The following DOCK3 variants were observed in gnomAD, a reference collection of about 807,000 sequenced individuals.
The protein encoded by DOCK3 is dedicator of cytokinesis 3, also known as dedicator of cytokinesis protein 3.
DOCK3 carries 60 observed loss-of-function variants against 265.6 expected under a neutral mutation model. The ratio of observed to expected loss-of-function variants is 0.23; its 90% confidence interval spans 0.18 to 0.28. The LOEUF (loss-of-function observed/expected upper bound fraction) is 0.28. DOCK3 is among the 10% of genes least tolerant of loss of function. The pLI is 1.00. For synonymous variants in DOCK3, 881 were observed against 938.0 expected, an observed-to-expected ratio of 0.94 and a Z score of 1.11; for missense variants, 1,981 against 2,594.3, an observed-to-expected ratio of 0.76 and a Z score of 5.14.
chr3:51,025,615 G>C lies in DOCK3; in HGVS notation c.316-38833G>C, dbSNP rs114683880. Among the ~76,000 whole-genome samples, 965 of 152,276 alleles carry C rather than the reference G, an allele frequency of 6.3e-3. 12 individuals carry two copies. The highest frequency in any genetic ancestry group is 0.022 in the African/African-American group (907 of 41,544). ...ACTTCCTGCTCATTCCCCAGGTTCT[G>C]TTCATGGGGTGTTTGTCCTCTCTTG... On this transcript the variant is annotated intron_variant, in intron 5 of 52. Transcript: ENST00000266037.
chr3:50,722,974 A>G (rs897433832), intron 1 of DOCK3, among the ~76,000 whole-genome samples: 6 of 151,986 alleles, frequency 3.9e-5, no homozygotes, highest in Admixed American at 6.6e-5. Flanking sequence ...GGGTTTTGCC[A>G]TGTTGTGCAG....
At chr3:51,186,465 G>T (rs1475177999) in intron 12 of DOCK3, among the ~76,000 whole-genome samples, 1 of 152,202 alleles carries the variant, frequency 6.6e-6, no homozygotes, top group Non-Finnish European at 1.5e-5. Context: ...CAATAGAAAA[G>T]AAAATTACAT....
In DOCK3 at chr3:50,729,483, C is replaced by G. The variant is rs182797915; in HGVS notation, c.38-49192C>G. Reference sequence around the variant, plus strand: ...ATACATGTGCCATGCTGGTGCGCTGCACCCACTAACTCGTCATCTAGCATT... The same window carrying G: ...ATACATGTGCCATGCTGGTGCGCTGGACCCACTAACTCGTCATCTAGCATT... On this transcript the variant is annotated intron_variant, in intron 1 of 52. Coordinates refer to ENST00000266037, the MANE Select transcript of DOCK3 (RefSeq NM_004947.5). Among the ~76,000 whole-genome samples, 1,488 of 151,926 alleles carry G rather than the reference C, an allele frequency of 9.8e-3. 8 individuals are homozygous for G. Among genetic ancestry groups the G allele is most frequent in the Middle Eastern group, 0.021 (6 of 292 alleles).
chr3:50,992,755 C>T (rs1218768160), intron 5 of DOCK3, among the ~76,000 whole-genome samples: 6 of 152,214 alleles, frequency 3.9e-5, no homozygotes, highest in African/African-American at 1.4e-4. Context: ...CTACTACAAA[C>T]ACTTCTGTGC....
At chr3:50,911,703 TGA>T (rs4028309) in intron 4 of DOCK3, among the ~76,000 whole-genome samples, 16 of 149,958 alleles carry the variant, frequency 1.1e-4, no homozygotes, top group Non-Finnish European at 1.6e-4. Flanking sequence ...AATTGTTTTT[TGA>T]GAGAGAGAGA....
At chr3:51,008,923 T>C (rs1475291949) in intron 5 of DOCK3, among the ~76,000 whole-genome samples, 7 of 152,194 alleles carry the variant, frequency 4.6e-5, no homozygotes, top group Admixed American at 4.6e-4. Flanking sequence ...ATTACGTTTA[T>C]TGATTTGCAT....
chr3:51,381,156 G>A lies in DOCK3; in HGVS notation c.5690G>A (p.Ser1897Asn). 1 of 1,613,904 alleles carries A rather than the reference G, an allele frequency of 6.2e-7. No homozygotes were observed. The highest frequency in any genetic ancestry group is 8.5e-7 in the Non-Finnish European group (1 of 1,179,868). ...GCCAGCAGCGGCGTGTCCTCCTTGA[G>A]TGAGAGTAACTTTGGGCACTCCTCG... ...GSASSGVSSL[S>N]ESNFGHSSEA... Residue 1897 changes from serine to asparagine, a missense_variant, in exon 53 of 53, where the codon AGT becomes AAT. By Grantham distance (46) the Ser-to-Asn change is conservative. Coordinates refer to ENST00000266037, the MANE Select transcript of DOCK3 (RefSeq NM_004947.5). The surrounding 1 kb of genome is among the most constrained non-coding windows in gnomAD (Gnocchi z 5.6).
At chr3:50,877,652 T>G (rs2047776442) in intron 3 of DOCK3, 8 of 262,508 alleles carry the variant, frequency 3.0e-5, no homozygotes, top group South Asian at 2.1e-4. Flanking sequence ...GCAGCCACTT[T>G]TTCTTTTCTT....
intron 2 of DOCK3, among the ~76,000 whole-genome samples, chr3:50,784,999 A>G (rs972053049): frequency 1.3e-5 from 2 of 152,200 alleles, no homozygotes. Flanking sequence ...TCTACTAAAA[A>G]TACAAAAATT....
At chr3:50,937,981 C>T (rs1395663208) in intron 5 of DOCK3, among the ~76,000 whole-genome samples, 1 of 151,894 alleles carries the variant, frequency 6.6e-6, no homozygotes, top group African/African-American at 2.4e-5. Context: ...ATGAAACTCA[C>T]TTCAAACTCA....
At chr3:50,684,944 T>C (rs149542234) in intron 1 of DOCK3, among the ~76,000 whole-genome samples, 236 of 151,994 alleles carry the variant, frequency 1.6e-3, no homozygotes, top group Non-Finnish European at 1.9e-3. Context: ...ACAAAAAAAA[T>C]ACAAAAAAGA....
intron 32 of DOCK3, among the ~76,000 whole-genome samples, chr3:51,328,319 C>T (rs1015671425): frequency 6.6e-6 from 1 of 152,106 alleles, no homozygotes; most frequent in African/African-American, 2.4e-5. Flanking sequence ...AGAGAGATCC[C>T]TTGTTATAAT....
At chr3:51,244,685 A>C (rs2078748316) in intron 21 of DOCK3, among the ~76,000 whole-genome samples, 1 of 152,134 alleles carries the variant, frequency 6.6e-6, no homozygotes, top group African/African-American at 2.4e-5. Flanking sequence ...TTTCTTGCCT[A>C]ATTTCACTGG....
intron 2 of DOCK3, among the ~76,000 whole-genome samples, chr3:50,833,004 A>G (rs1308172642): frequency 6.6e-6 from 1 of 152,234 alleles, no homozygotes; most frequent in Non-Finnish European, 1.5e-5. Context: ...ATTCCACCAC[A>G]GTAAAGCAAA....
chr3:51,213,976 A>G (rs953663556), intron 13 of DOCK3, 146 bp from the exon 14 acceptor site: 1 of 1,063,794 alleles, frequency 9.4e-7, no homozygotes, highest in Non-Finnish European at 1.3e-6. Flanking sequence ...TTTCTTCAAA[A>G]TAACTTATAC....
chr3:51,270,492 T>G (rs1214098627), intron 23 of DOCK3, among the ~76,000 whole-genome samples: 3 of 152,210 alleles, frequency 2.0e-5, no homozygotes, highest in South Asian at 4.1e-4. Context: ...AAATCCATTT[T>G]ATGAACAAAA....
intron 3 of DOCK3, among the ~76,000 whole-genome samples, chr3:50,880,414 AATAG>A (rs1169984913): frequency 6.6e-6 from 1 of 152,222 alleles, no homozygotes; most frequent in Non-Finnish European, 1.5e-5. Flanking sequence ...AGAAGAATCA[AATAG>A]ATGCAATACA....
chr3:51,264,506 G>A lies in DOCK3; in HGVS notation c.2355+4180G>A, dbSNP rs144893536. 5.9e-5 allele frequency among the ~76,000 whole-genome samples: 9 copies of A among 152,234 alleles called. No individual in the cohort carries two copies. In the East Asian group the frequency reaches 1.7e-3, roughly 29 times the overall value. ...AGTTAAAAGAACTAGAGAAGCAAGA[G>A]CATACAAATTCAAAAGCTAACAGAA... On this transcript the variant is annotated intron_variant, in intron 23 of 52. Transcript: ENST00000266037.
intron 4 of DOCK3, among the ~76,000 whole-genome samples, chr3:50,894,617 G>C (rs1194235052): frequency 6.6e-6 from 1 of 152,078 alleles, no homozygotes; most frequent in Non-Finnish European, 1.5e-5. Flanking sequence ...TAGTATAAGA[G>C]TTAAAAGACA....
Sources: allele counts gnomAD v4.1 joint callset (sites outside exome capture counted in the v4.1 genomes callset), GRCh38; gene constraint gnomAD v4.1.1; non-coding constraint Gnocchi (gnomAD v3.1); transcripts MANE v1.5; gene names NCBI Gene and HGNC (gene_info 2026-07-23, HGNC 2026-07-21).